Variants in SLC7A9 observed in about 807,000 individuals in gnomAD.
SLC7A9 encodes solute carrier family 7 member 9.
In SLC7A9, 38 loss-of-function variants were observed where a neutral mutation model predicts 54.1. The observed-to-expected ratio is 0.70, with a 90% CI of 0.54 to 0.92. The LOEUF (loss-of-function observed/expected upper bound fraction) is 0.92. SLC7A9 is among the 40% of genes least tolerant of loss of function. SLC7A9 has a pLI of 0.00. For missense variants in SLC7A9, 537 were observed against 636.1 expected (o/e 0.84, Z 1.68); for synonymous variants, 264 against 258.9 (o/e 1.02, Z -0.19).
intron 9 of SLC7A9, among the ~76,000 whole-genome samples, chr19:32,852,932 G>A (rs1296584982): frequency 8.4e-6 from 1 of 119,222 alleles, no homozygotes; most frequent in Non-Finnish European, 1.7e-5. Context: ...TTTTTTTTGA[G>A]AGACGGAGTC....
At chr19:32,849,377 C>A (rs2145822250) in intron 9 of SLC7A9, among the ~76,000 whole-genome samples, 1 of 152,066 alleles carries the variant, frequency 6.6e-6, no homozygotes, top group Non-Finnish European at 1.5e-5. Flanking sequence ...GAAATACAAA[C>A]TACCATCAGA....
intron 9 of SLC7A9, among the ~76,000 whole-genome samples, chr19:32,852,440 G>A (rs569472029): frequency 9.2e-5 from 14 of 152,186 alleles, no homozygotes; most frequent in African/African-American, 3.4e-4. Context: ...GCTGCAGTGA[G>A]CCATGATTGC....
intron 11 of SLC7A9, among the ~76,000 whole-genome samples, chr19:32,840,167 G>T (rs1008078096): frequency 3.3e-5 from 5 of 151,828 alleles, no homozygotes; most frequent in Admixed American, 6.6e-5. Flanking sequence ...TTGCTCTTAT[G>T]TTCTTTCTTT....
At chr19:32,832,739 CCTT>C (rs781589637) in intron 12 of SLC7A9, 7 of 230,282 alleles carry the variant, frequency 3.0e-5, no homozygotes, top group African/African-American at 9.1e-5. Context: ...TAGCGAGACT[CCTT>C]CTCTACAAAA....
At chr19:32,858,418 A>C in intron 9 of SLC7A9, 22 bp downstream of exon 9, 1 of 1,532,884 alleles carries the variant, frequency 6.5e-7, no homozygotes, top group Non-Finnish European at 9.0e-7. Flanking sequence ...CCACCCTGGG[A>C]GTGACGGTGG....
chr19:32,839,890 C>T (rs1342758337), intron 11 of SLC7A9, among the ~76,000 whole-genome samples: 2 of 152,150 alleles, frequency 1.3e-5, no homozygotes, highest in African/African-American at 4.8e-5. Context: ...CTCAAAATTT[C>T]CAGTTACATT....
chr19:32,842,673 C>T (rs1266060413), intron 10 of SLC7A9, among the ~76,000 whole-genome samples: 2 of 151,788 alleles, frequency 1.3e-5, no homozygotes, highest in African/African-American at 2.4e-5. Flanking sequence ...AATGCAGTGG[C>T]GTGATCTCGG....
chr19:32,866,338 C>T (rs1366371041), intron 2 of SLC7A9, among the ~76,000 whole-genome samples: 3 of 152,174 alleles, frequency 2.0e-5, no homozygotes, highest in African/African-American at 7.2e-5. Context: ...CCAGAATCCT[C>T]CCTCCTGCTG....
chr19:32,857,468 T>A (rs986852214), intron 9 of SLC7A9, among the ~76,000 whole-genome samples: 11 of 146,726 alleles, frequency 7.5e-5, no homozygotes, highest in South Asian at 2.2e-4. Flanking sequence ...AATTAAAATT[T>A]AAATTTAAAA....
chr19:32,868,680 G>A, intron 1 of SLC7A9, 35 bp from the exon 2 acceptor site: 2 of 717,046 alleles, frequency 2.8e-6, no homozygotes, highest in Non-Finnish European at 5.1e-6. Context: ...TGCTGCAGGT[G>A]GGGGCCGCTG....
At chr19:32,866,175 T>G (rs1185160480) in intron 2 of SLC7A9, among the ~76,000 whole-genome samples, 1 of 152,132 alleles carries the variant, frequency 6.6e-6, no homozygotes, top group Non-Finnish European at 1.5e-5. Flanking sequence ...GGCTCCCAGC[T>G]GCAGGCTGCC....
At chr19:32,869,177 C>T (rs8106475) in intron 1 of SLC7A9, among the ~76,000 whole-genome samples, 1 of 151,858 alleles carries the variant, frequency 6.6e-6, no homozygotes. Flanking sequence ...GAGCCAAGAT[C>T]ATGCCACTGC....
At chr19:32,832,601 A>G (rs527729820) in intron 12 of SLC7A9, among the ~76,000 whole-genome samples, 117 of 144,610 alleles carry the variant, frequency 8.1e-4, no homozygotes, top group Admixed American at 2.9e-3. Flanking sequence ...AAAAAAAAAA[A>G]AAAGAAAGAA....
At chr19:32,841,759 T>C (rs901383815) in intron 11 of SLC7A9, among the ~76,000 whole-genome samples, 6 of 151,840 alleles carry the variant, frequency 4.0e-5, no homozygotes, top group Non-Finnish European at 7.4e-5. Flanking sequence ...ATACAAAAAT[T>C]AGCCAGGCGT....
At chr19:32,863,616 C>T (rs1476906611) in intron 4 of SLC7A9, among the ~76,000 whole-genome samples, 1 of 152,218 alleles carries the variant, frequency 6.6e-6, no homozygotes, top group African/African-American at 2.4e-5. Context: ...CCACCTCAGC[C>T]TCCCAAAGTG....
At position 32,864,338 on chromosome 19, in the gene SLC7A9, C is replaced by T. The variant is rs1352555028; in HGVS notation, c.236G>A (p.Gly79Asp). Residue 79 changes from glycine (G) to aspartate (D), a missense_variant and splice_region_variant, in exon 4 of 13, where the codon GGT (glycine) becomes GAT (aspartate). Transcript: ENST00000023064. Reference sequence around the variant, plus strand: ...GCCAAGCTCCGCAAAGCACAGGGCACCTGGAACACAGAGAGGAAGGGCCCA... The same window carrying T: ...GCCAAGCTCCGCAAAGCACAGGGCATCTGGAACACAGAGAGGAAGGGCCCA... ...WAACGVLATLGALCFAELGTM... is the reference protein window; with the variant it reads ...WAACGVLATLDALCFAELGTM... 1 of 1,613,906 alleles carries T rather than the reference C, an allele frequency of 6.2e-7. No homozygotes were observed. The highest frequency in any genetic ancestry group is 2.2e-5 in the East Asian group (1 of 44,868).
chr19:32,834,144 C>G (rs867689696), intron 11 of SLC7A9, among the ~76,000 whole-genome samples: 1 of 152,086 alleles, frequency 6.6e-6, no homozygotes, highest in Admixed American at 6.5e-5. Flanking sequence ...CTGTGCGGGG[C>G]GGCAGGAACC....
At chr19:32,847,073 C>G (rs1968319882) in intron 9 of SLC7A9, among the ~76,000 whole-genome samples, 1 of 152,150 alleles carries the variant, frequency 6.6e-6, no homozygotes, top group African/African-American at 2.4e-5. Flanking sequence ...AGATAAACCA[C>G]AAAGATGGGG....
chr19:32,864,001 A>G (rs778190714), intron 4 of SLC7A9, 95 bp downstream of exon 4: 29 of 1,583,762 alleles, frequency 1.8e-5, no homozygotes, highest in Non-Finnish European at 2.1e-5. Flanking sequence ...CTGGGCTCTC[A>G]CCAGAGACTC....
Sources: gnomAD v4.1 joint callset for allele counts (sites outside exome capture counted in the v4.1 genomes callset) on GRCh38, gnomAD v4.1.1 for gene constraint, MANE v1.5 for transcripts, NCBI Gene and HGNC (gene_info 2026-07-23, HGNC 2026-07-21) for gene names.